The following LRP1B variants were observed in gnomAD, a reference collection of about 807,000 sequenced individuals.
LRP1B encodes LDL receptor related protein 1B, also known as low-density lipoprotein receptor-related protein 1B.
In LRP1B, 217 loss-of-function variants were observed where a neutral mutation model predicts 556.6. The observed-to-expected ratio is 0.39, with a 90% CI of 0.35 to 0.44. The LOEUF (loss-of-function observed/expected upper bound fraction) is 0.44. Ranked by LOEUF, LRP1B falls within the 20% of genes least tolerant of loss-of-function variation. LRP1B has a pLI of 1.00. For synonymous variants in LRP1B, 2,047 were observed against 1,865.8 expected, an observed-to-expected ratio of 1.10 and a Z score of -2.50; for missense variants, 5,053 against 5,620.8, an observed-to-expected ratio of 0.90 and a Z score of 3.23.
chr2:140,813,502 A>G lies in LRP1B; in HGVS notation c.5359+155T>C, dbSNP rs536910781. ...CTTATAAGTCTGTTTGCTAAAGAGG[A>G]AAAGAAGGAAGAGAAGAAAACCTCA... On this transcript the variant is annotated intron_variant, in intron 32 of 90. Transcript: ENST00000389484. 4.1e-4 allele frequency among the ~76,000 whole-genome samples: 63 copies of G among 152,302 alleles called. No homozygotes were observed. In the South Asian group the frequency reaches 0.013, roughly 31 times the overall value.
chr2:140,625,431 G>A (rs1370831957), intron 41 of LRP1B, among the ~76,000 whole-genome samples: 1 of 152,088 alleles, frequency 6.6e-6, no homozygotes, highest in Non-Finnish European at 1.5e-5. Flanking sequence ...AATGTCAAGA[G>A]AATAGGAAGA....
chr2:141,628,301 G>A (rs577478499), intron 2 of LRP1B, among the ~76,000 whole-genome samples: 1 of 152,138 alleles, frequency 6.6e-6, no homozygotes, highest in Non-Finnish European at 1.5e-5. Flanking sequence ...GGTAAACATT[G>A]TATTGGATTC....
At chr2:141,794,694 C>A (rs139352175) in intron 2 of LRP1B, among the ~76,000 whole-genome samples, 9 of 152,038 alleles carry the variant, frequency 5.9e-5, no homozygotes, top group African/African-American at 9.6e-5. Flanking sequence ...TTTTTTTACA[C>A]CTTTCCAGTA....
intron 86 of LRP1B, among the ~76,000 whole-genome samples, chr2:140,263,000 T>A (rs562440715): frequency 3.3e-5 from 5 of 152,162 alleles, no homozygotes; most frequent in African/African-American, 1.2e-4. Flanking sequence ...CACAGCTCAC[T>A]GCAGCCTCAA....
intron 3 of LRP1B, among the ~76,000 whole-genome samples, chr2:141,371,030 C>A (rs1488644391): frequency 6.6e-6 from 1 of 152,112 alleles, no homozygotes; most frequent in Non-Finnish European, 1.5e-5. Context: ...GTGGCCCAGG[C>A]TGGAGTGCAG....
chr2:141,637,218 T>C (rs555698614), intron 2 of LRP1B, among the ~76,000 whole-genome samples: 1 of 152,210 alleles, frequency 6.6e-6, no homozygotes, highest in East Asian at 1.9e-4. Flanking sequence ...ACCACAGTAA[T>C]TAGAAATTAT....
chr2:141,087,830 A>G (rs999093717), intron 7 of LRP1B, among the ~76,000 whole-genome samples: 1 of 152,216 alleles, frequency 6.6e-6, no homozygotes, highest in Non-Finnish European at 1.5e-5. Flanking sequence ...TTCAGACACT[A>G]GTTTACAGAG....
At chr2:140,402,562 A>T (rs1684553152) in intron 66 of LRP1B, among the ~76,000 whole-genome samples, 1 of 152,164 alleles carries the variant, frequency 6.6e-6, no homozygotes, top group Non-Finnish European at 1.5e-5. Flanking sequence ...AGAGAAAAAG[A>T]GGTGCCTGTC....
chr2:140,868,346 C>T, intron 25 of LRP1B, 83 bp from the exon 26 acceptor site: 1 of 1,234,712 alleles, frequency 8.1e-7, no homozygotes, highest in South Asian at 1.7e-5. Context: ...CTACCATATG[C>T]TAGGCACTGG....
intron 41 of LRP1B, among the ~76,000 whole-genome samples, chr2:140,625,792 AGCCAC>A (rs977949163): frequency 3.9e-5 from 6 of 152,220 alleles, no homozygotes; most frequent in Non-Finnish European, 7.3e-5. Flanking sequence ...TAGGTGGTAC[AGCCAC>A]TTTGAAAGAC....
intron 35 of LRP1B, among the ~76,000 whole-genome samples, chr2:140,738,715 A>C (rs288123): frequency 0.24 from 36,608 of 151,862 alleles, 4,493 homozygotes; most frequent in East Asian, 0.29. Flanking sequence ...AGTCCATCAG[A>C]TCTCCTAATC....
intron 4 of LRP1B, among the ~76,000 whole-genome samples, chr2:141,249,023 A>C (rs1684167716): frequency 6.6e-6 from 1 of 152,172 alleles, no homozygotes; most frequent in Non-Finnish European, 1.5e-5. Flanking sequence ...TATAGATTTG[A>C]ATGGCTCTAT....
chr2:140,374,149 G>A (rs1187756115), intron 68 of LRP1B, among the ~76,000 whole-genome samples: 3 of 152,160 alleles, frequency 2.0e-5, no homozygotes, highest in African/African-American at 7.2e-5. Flanking sequence ...TAAATGAAAT[G>A]GAGTCACTAG....
chr2:141,244,123 G>A (rs1175904343), intron 5 of LRP1B, among the ~76,000 whole-genome samples: 1 of 152,136 alleles, frequency 6.6e-6, no homozygotes, highest in Admixed American at 6.6e-5. Flanking sequence ...ACCTTTAGAG[G>A]CAGCTTCCCA....
intron 3 of LRP1B, among the ~76,000 whole-genome samples, chr2:141,462,061 T>A (rs557926206): frequency 1.2e-3 from 183 of 152,324 alleles, no homozygotes; most frequent in African/African-American, 4.4e-3. Flanking sequence ...ATTTGTCAGG[T>A]TTCAAAAATA....
chr2:142,075,009 C>T (rs970105043), intron 1 of LRP1B, among the ~76,000 whole-genome samples: 1 of 152,106 alleles, frequency 6.6e-6, no homozygotes, highest in African/African-American at 2.4e-5. Flanking sequence ...AGGTAAATAA[C>T]ATAGCTCTTT....
chr2:140,782,077 G>A (rs1272505575), intron 32 of LRP1B, among the ~76,000 whole-genome samples: 1 of 152,050 alleles, frequency 6.6e-6, no homozygotes, highest in Non-Finnish European at 1.5e-5. Flanking sequence ...GTTTCACACT[G>A]TTATTGACAT....
At chr2:141,885,950 G>T (rs1449675569) in intron 1 of LRP1B, among the ~76,000 whole-genome samples, 1 of 152,180 alleles carries the variant, frequency 6.6e-6, no homozygotes, top group Admixed American at 6.5e-5. Flanking sequence ...AGGTTAATGA[G>T]TTTCAGTCAT....
At chr2:141,464,606 A>ATTTTTT (rs71391651) in intron 3 of LRP1B, among the ~76,000 whole-genome samples, 5 of 90,540 alleles carry the variant, frequency 5.5e-5, no homozygotes, top group South Asian at 3.2e-4. Context: ...ATATATATAT[A>ATTTTTT]TTTTTTTAGT....
Sources: gnomAD v4.1 joint callset for allele counts (sites outside exome capture counted in the v4.1 genomes callset) on GRCh38, gnomAD v4.1.1 for gene constraint, MANE v1.5 for transcripts, NCBI Gene and HGNC (gene_info 2026-07-23, HGNC 2026-07-21) for gene names.